ST7: variants seen among roughly 807,000 people sequenced by gnomAD.
ST7 encodes the protein suppressor of tumorigenicity 7 protein.
In ST7, 28 loss-of-function variants were observed where a neutral mutation model predicts 78.7. The ratio of observed to expected loss-of-function variants is 0.36; its 90% confidence interval spans 0.26 to 0.49. The LOEUF is 0.49. ST7 is among the 20% of genes least tolerant of loss of function. The pLI is 0.99. For synonymous variants in ST7, 247 were observed against 249.6 expected (o/e 0.99, Z 0.10); for missense variants, 418 against 696.0 (o/e 0.60, Z 4.49).
rs545899666 is a variant in ST7 at position 117,061,478 on chromosome 7, C to G, written c.152-38284C>G. Among the ~76,000 whole-genome samples, 7 of 152,150 alleles carry G rather than the reference C, an allele frequency of 4.6e-5. 1 individual carries two copies. The highest frequency in any genetic ancestry group is 4.6e-4 in the Admixed American group (7 of 15,276). On this transcript the variant is annotated intron_variant, in intron 1 of 15. Coordinates refer to ENST00000323984, the MANE Select transcript of ST7 (RefSeq NM_001369598.1). The stretch of plus-strand genomic sequence containing the variant: ...GATGCTTTTTACAAGTAATTTGATG[C>G]AAATTATTTATTATGTAAAATAATT...
At chr7:117,137,074 T>C (rs1804849137) in intron 8 of ST7, 1 of 152,140 alleles carries the variant, frequency 6.6e-6, no homozygotes, top group Non-Finnish European at 1.5e-5. Context: ...CACAAAGTTA[T>C]TTTGTTTCTC....
intron 10 of ST7, among the ~76,000 whole-genome samples, chr7:117,178,293 C>G (rs1223102469): frequency 6.6e-6 from 1 of 152,022 alleles, no homozygotes; most frequent in Non-Finnish European, 1.5e-5. Flanking sequence ...TTCTCTGTCA[C>G]CAAGATGGTT....
At chr7:117,200,993 T>G (rs1350839387) in intron 12 of ST7, among the ~76,000 whole-genome samples, 1 of 152,136 alleles carries the variant, frequency 6.6e-6, no homozygotes, top group Non-Finnish European at 1.5e-5. Flanking sequence ...ATGCAAACAC[T>G]AAAGCAGTCC....
intron 1 of ST7, among the ~76,000 whole-genome samples, chr7:116,999,469 A>G (rs903820538): frequency 6.6e-6 from 1 of 152,222 alleles, no homozygotes; most frequent in Non-Finnish European, 1.5e-5. Flanking sequence ...CCAGTAACAG[A>G]AAAGAAAATG....
intron 1 of ST7, chr7:117,098,757 T>G (rs1329372210): frequency 2.3e-6 from 3 of 1,298,094 alleles, no homozygotes; most frequent in Non-Finnish European, 3.0e-6. Context: ...AGACTGGATG[T>G]GATTCCCTTC....
At position 117,020,646 on chromosome 7, in the gene ST7, C is replaced by T. The variant is rs143105374; in HGVS notation, c.151+66955C>T. 1,480 of 1,550,804 alleles carry T rather than the reference C, an allele frequency of 9.5e-4. 12 individuals carry two copies. The African/African-American group carries it at 0.015, about 15-fold the overall frequency. On this transcript the variant is annotated intron_variant, in intron 1 of 15. Coordinates refer to ENST00000323984, the MANE Select transcript of ST7 (RefSeq NM_001369598.1). The stretch of plus-strand genomic sequence containing the variant: ...AATCTTCATGTAAGTAAATGGATCC[C>T]ACTTCTCTGCTATTTAGAAATCTGC...
At chr7:117,040,381 AAGAGTT>A (rs983064379) in intron 1 of ST7, among the ~76,000 whole-genome samples, 6 of 152,150 alleles carry the variant, frequency 3.9e-5, no homozygotes, top group Non-Finnish European at 8.8e-5. Flanking sequence ...TCAAAAAAAA[AAGAGTT>A]AGAAACATTC....
At chr7:117,175,953 TTA>T (rs1407932470) in intron 10 of ST7, among the ~76,000 whole-genome samples, 3 of 152,184 alleles carry the variant, frequency 2.0e-5, no homozygotes, top group African/African-American at 7.2e-5. Flanking sequence ...TTAAAATTAA[TTA>T]TGGATCTAAT....
At chr7:117,017,228 A>C (rs1259860950) in intron 1 of ST7, among the ~76,000 whole-genome samples, 1 of 152,086 alleles carries the variant, frequency 6.6e-6, no homozygotes, top group African/African-American at 2.4e-5. Flanking sequence ...ATATACCATC[A>C]CTTGACACGT....
At chr7:116,997,112 C>T (rs1477784714) in intron 1 of ST7, among the ~76,000 whole-genome samples, 1 of 152,138 alleles carries the variant, frequency 6.6e-6, no homozygotes. Flanking sequence ...TTTCTTCCTT[C>T]TGGTGGGTTC....
At chr7:117,183,695 C>CT (rs1302926369) in intron 10 of ST7, among the ~76,000 whole-genome samples, 2 of 152,190 alleles carry the variant, frequency 1.3e-5, no homozygotes, top group African/African-American at 2.4e-5. Flanking sequence ...GGAACACTGT[C>CT]TAACAGTTTC....
intron 1 of ST7, among the ~76,000 whole-genome samples, chr7:116,968,863 T>A (rs1793274159): frequency 6.6e-6 from 1 of 152,152 alleles, no homozygotes; most frequent in Non-Finnish European, 1.5e-5. Context: ...CAGAAAACTG[T>A]CAGTGTGACA....
rs138091300 is a variant in ST7, at chr7:117,013,420, A to C, written c.151+59729A>C. 3.3e-3 allele frequency among the ~76,000 whole-genome samples: 508 copies of C among 152,366 alleles called. 5 individuals carry two copies. The highest frequency in any genetic ancestry group is 0.011 in the African/African-American group (472 of 41,590). On this transcript the variant is annotated intron_variant, in intron 1 of 15. Transcript: ENST00000323984. ...GCAACAGTGACAGGTGAAGTTGATG[A>C]GAATTAACAGCTTTTGACTGTAGCA...
In ST7 at chr7:117,229,089, G is replaced by A. The variant is rs1793619794; in HGVS notation, c.1639-673G>A. ...CTTTCTTAAAAGACACAGCTAATGAGCTTTATTCTCTACATGAAAAGCAGA... is the reference window on the plus strand; with the variant it reads ...CTTTCTTAAAAGACACAGCTAATGAACTTTATTCTCTACATGAAAAGCAGA... On this transcript the variant is annotated intron_variant, in intron 15 of 15. Coordinates refer to ENST00000323984, the MANE Select transcript of ST7 (RefSeq NM_001369598.1). 2.0e-5 allele frequency among the ~76,000 whole-genome samples: 3 copies of A among 152,328 alleles called. No homozygotes were observed. In the South Asian group the frequency reaches 6.2e-4, roughly 32 times the overall value.
chr7:117,157,008 T>C (rs540521474), intron 9 of ST7, among the ~76,000 whole-genome samples: 1 of 152,152 alleles, frequency 6.6e-6, no homozygotes, highest in Non-Finnish European at 1.5e-5. Context: ...GGTTACCAGA[T>C]GGGATGTTCA....
At position 117,057,028 on chromosome 7, in the gene ST7, A is replaced by G. The variant is rs142785860; in HGVS notation, c.152-42734A>G. 3.0e-4 allele frequency among the ~76,000 whole-genome samples: 46 copies of G among 152,302 alleles called. No homozygotes were observed. The East Asian group carries it at 7.3e-3, about 24-fold the overall frequency. On this transcript the variant is annotated intron_variant, in intron 1 of 15. Transcript: ENST00000323984. ...TCAATATAGTGTCAGTATCTGAGAT[A>G]CAGTCGGTGGTTATCTGTTTGTGGA... is the stretch of plus-strand genomic sequence containing the variant.
At chr7:117,136,357 C>G in intron 8 of ST7, 122 bp downstream of exon 8, 2 of 1,246,652 alleles carry the variant, frequency 1.6e-6, no homozygotes, top group Non-Finnish European at 2.3e-6. Flanking sequence ...TTGGCTTTTG[C>G]TTTGTTTTTA....
At chr7:117,041,121 A>C (rs773818771) in intron 1 of ST7, among the ~76,000 whole-genome samples, 1 of 152,184 alleles carries the variant, frequency 6.6e-6, no homozygotes, top group Non-Finnish European at 1.5e-5. Context: ...CAACATGAAC[A>C]AGAAAGCCTG....
intron 1 of ST7, among the ~76,000 whole-genome samples, chr7:117,082,330 T>C (rs543133381): frequency 2.0e-5 from 3 of 152,332 alleles, no homozygotes; most frequent in South Asian, 4.1e-4. Flanking sequence ...AATTTATCCA[T>C]GATAAAAACC....
Sources: gnomAD v4.1 joint callset for allele counts (sites outside exome capture counted in the v4.1 genomes callset) on GRCh38, gnomAD v4.1.1 for gene constraint, MANE v1.5 for transcripts, NCBI Gene and HGNC (gene_info 2026-07-23, HGNC 2026-07-21) for gene names.